Variants in DNAH1 observed in about 807,000 individuals in gnomAD.
DNAH1 encodes the protein dynein axonemal heavy chain 1.
In DNAH1, 327 loss-of-function variants were observed where a neutral mutation model predicts 484.3. That is an observed-to-expected ratio of 0.68 (90% CI 0.62 to 0.74). The LOEUF (loss-of-function observed/expected upper bound fraction) is 0.74. Among genes scored for constraint, DNAH1 ranks in the 30% least tolerant of loss-of-function variants. The probability of loss-of-function intolerance (pLI) is 0.00; values close to 1 mark genes in which losing one functional copy is unlikely to be tolerated. For synonymous variants in DNAH1, 2,192 were observed against 2,191.9 expected (o/e 1.00, Z 0.00); for missense variants, 5,052 against 5,546.8 (o/e 0.91, Z 2.83).
intron 48 of DNAH1, among the ~76,000 whole-genome samples, 180 bp downstream of exon 48, chr3:52,380,315 CCGGTTT>C (rs1703789344): frequency 1.3e-5 from 2 of 152,158 alleles, no homozygotes; most frequent in South Asian, 4.1e-4. Context: ...TCTCTGGGTA[CCGGTTT>C]CTTCACTTAT....
In DNAH1 at chr3:52,326,332, G is replaced by C; in HGVS notation, c.581+18G>C. 1 of 1,597,036 alleles carries C rather than the reference G, an allele frequency of 6.3e-7. No homozygotes were observed. Among genetic ancestry groups the C allele is most frequent in the South Asian group, 1.1e-5 (1 of 90,642 alleles). ...ATCGAGAGGTACGGCTGGGTGGGCT[G>C]TGGGGAGACTGTCGGGGAGGTGGCA... On this transcript the variant is annotated intron_variant, in intron 4 of 77. Transcript: ENST00000420323.
At chr3:52,310,956 T>C in the DNAH1 span, among the ~76,000 whole-genome samples, 6 of 152,316 alleles carry the variant, frequency 3.9e-5, no homozygotes, top group African/African-American at 1.2e-4. Context: ...TTTGTGGGAT[T>C]GACAATGAGC....
chr3:52,318,783 G>C (rs995278382), intron 1 of DNAH1, among the ~76,000 whole-genome samples: 5 of 152,228 alleles, frequency 3.3e-5, no homozygotes, highest in Non-Finnish European at 7.3e-5. Context: ...CCCCAAGCCT[G>C]GGGGAGCAAT....
intron 60 of DNAH1, among the ~76,000 whole-genome samples, chr3:52,389,969 T>G (rs186405202): frequency 6.6e-6 from 1 of 152,170 alleles, no homozygotes; most frequent in African/African-American, 2.4e-5. Context: ...AAAATTAGCC[T>G]GGTGTAGGGG....
At position 52,320,800 on chromosome 3, in the gene DNAH1, CTTTTTTTT is replaced by C. The variant is rs556409465; in HGVS notation, c.-34-1596_-34-1589del. 9.6e-5 allele frequency among the ~76,000 whole-genome samples: 12 copies of C among 125,062 alleles called. No individual in the cohort carries two copies. In the East Asian group the frequency reaches 2.2e-3, roughly 22 times the overall value. The allele number at this position is 125,062 out of a possible 152,430, so 82.0% of individuals were successfully genotyped here. On this transcript the variant is annotated intron_variant, in intron 1 of 77. Coordinates refer to ENST00000420323, the MANE Select transcript of DNAH1 (RefSeq NM_015512.5). ...TGCTTTCCTTTTCTTTCTTTCTTTC[CTTTTTTTT>C]TTTTTTTTTTTTGACGGAATCTCGC...
At position 52,383,564 on chromosome 3, in the gene DNAH1, G is replaced by A. The variant is rs61736303; in HGVS notation, c.8120G>A (p.Arg2707His). ...ATGGCTGCTTACACAGGGCGTGTGC[G>A]CAGCAACATCCACATGGTGCTGTGC... The part of the protein sequence containing the change: ...NLMAAYTGRV[R>H]SNIHMVLCMS... The change falls in exon 51 of 78, where the codon CGC becomes CAC. Residue 2707 changes from arginine to histidine, a missense_variant. Arg to His is a conservative substitution (Grantham distance 29). Transcript: ENST00000420323. The A allele has an allele frequency of 2.1e-5, 33 of 1,604,214 alleles. No homozygotes were observed. Among genetic ancestry groups the A allele is most frequent in the South Asian group, 6.7e-5 (6 of 89,604 alleles).
At chr3:52,317,013 C>T (rs1700971557) in intron 1 of DNAH1, among the ~76,000 whole-genome samples, 1 of 152,166 alleles carries the variant, frequency 6.6e-6, no homozygotes. Flanking sequence ...CATCTGTGAC[C>T]TTCAGATTCC....
Position 52,366,861 on chromosome 3 carries a change from G to C in DNAH1, c.5739G>C (p.Gly1913=), listed in dbSNP as rs1703099674. ...PKSITMGQLY[G]EFDLLTHEWT... ...CCATCACGATGGGCCAGCTGTACGGGGAGTTTGACCTCCTCACCCATGAGT... is the reference window on the plus strand; with the variant it reads ...CCATCACGATGGGCCAGCTGTACGGCGAGTTTGACCTCCTCACCCATGAGT... Residue 1913 remains glycine, a synonymous_variant, in exon 36 of 78, where the codon GGG becomes GGC. Coordinates refer to ENST00000420323, the MANE Select transcript of DNAH1 (RefSeq NM_015512.5). 1 of 1,613,566 alleles carries C rather than the reference G, an allele frequency of 6.2e-7. No individual in the cohort carries two copies. Among genetic ancestry groups the C allele is most frequent in the African/African-American group, 1.3e-5 (1 of 74,912 alleles).
chr3:52,370,643 C>T lies in DNAH1; in HGVS notation c.6417+8C>T. 6.2e-7 allele frequency: 1 copy of T among 1,606,834 alleles called. No individual in the cohort carries two copies. Among genetic ancestry groups the T allele is most frequent in the East Asian group, 2.2e-5 (1 of 44,640 alleles). On this transcript the variant is annotated splice_region_variant and intron_variant, in intron 40 of 77. Transcript: ENST00000420323. ...AAGATGGAGAACGAACAGGTGAGAG[C>T]CGGCGGCCCCCAGGGACCAGGAGCC... is the stretch of plus-strand genomic sequence containing the variant.
intron 6 of DNAH1, 135 bp from the exon 7 acceptor site, chr3:52,331,013 A>G (rs1423584955): frequency 1.8e-6 from 2 of 1,121,616 alleles, no homozygotes; most frequent in African/African-American, 1.6e-5. Flanking sequence ...GCTGGAGCAG[A>G]GGGGGGCATC....
At chr3:52,356,356 C>T (rs1702607828) in intron 21 of DNAH1, among the ~76,000 whole-genome samples, 1 of 152,164 alleles carries the variant, frequency 6.6e-6, no homozygotes, top group Non-Finnish European at 1.5e-5. Context: ...AGAGCAGCTC[C>T]CCCGGCTCCT....
rs763885137 is a variant in DNAH1, at chr3:52,391,171, C to A, written c.9742-8C>A. 27 of 1,613,866 alleles carry A rather than the reference C, an allele frequency of 1.7e-5. No individual in the cohort carries two copies. Among genetic ancestry groups the A allele is most frequent in the Non-Finnish European group, 1.8e-5 (21 of 1,179,804 alleles). On this transcript the variant is annotated splice_polypyrimidine_tract_variant and splice_region_variant and intron_variant, in intron 61 of 77. Transcript: ENST00000420323. ...CCTGCAACCCCTTCTTTTCCCCTTC[C>A]CTTACAGGAGAAGGACAATGGGCTG... is the stretch of plus-strand genomic sequence containing the variant.
intron 8 of DNAH1, among the ~76,000 whole-genome samples, chr3:52,340,880 C>A (rs1027733833): frequency 6.6e-6 from 1 of 150,662 alleles, no homozygotes; most frequent in African/African-American, 2.4e-5. Context: ...TTTTAATTTA[C>A]AGATAATTTG....
chr3:52,391,198 A>G lies in DNAH1; in HGVS notation c.9761A>G (p.Asp3254Gly). ...IKNMEKDNGL[D>G]VFKLSDRDFL... Reference sequence around the variant, plus strand: ...TTACAGGAGAAGGACAATGGGCTGGATGTGTTCAAGTTGAGTGACCGCGAC... The same window carrying G: ...TTACAGGAGAAGGACAATGGGCTGGGTGTGTTCAAGTTGAGTGACCGCGAC... Residue 3254 changes from aspartate to glycine, a missense_variant, in exon 62 of 78, where the codon GAT becomes GGT. Physicochemically the swap from Asp to Gly is moderately conservative, Grantham distance 94. Coordinates refer to ENST00000420323, the MANE Select transcript of DNAH1 (RefSeq NM_015512.5). The G allele has an allele frequency of 6.2e-7, 1 of 1,613,940 alleles. No homozygotes were observed. Among genetic ancestry groups the G allele is most frequent in the Non-Finnish European group, 8.5e-7 (1 of 1,179,864 alleles).
chr3:52,389,844 G>A (rs1704293031), intron 60 of DNAH1, among the ~76,000 whole-genome samples: 1 of 152,240 alleles, frequency 6.6e-6, no homozygotes, highest in Admixed American at 6.5e-5. Context: ...AGGCGTGGTG[G>A]CTCACGCCTG....
chr3:52,326,286 C>A lies in DNAH1; in HGVS notation c.553C>A (p.Gln185Lys). 4.3e-6 allele frequency: 7 copies of A among 1,610,194 alleles called. No homozygotes were observed. The highest frequency in any genetic ancestry group is 4.2e-6 in the Non-Finnish European group (5 of 1,179,784). ...GGTGCCTTTCCAGGTGCTGCCAGGC[C>A]AGCATCCTCGCAAGATTGAGATCGA... Reference protein sequence around the residue: ...MQVPFQVLPGQHPRKIEIERR... With the variant: ...MQVPFQVLPGKHPRKIEIERR... The change falls in exon 4 of 78, where the codon CAG becomes AAG. Residue 185 changes from glutamine to lysine, a missense_variant. By Grantham distance (53) the Gln-to-Lys change is moderately conservative. This residue lies in a region of DNAH1 where 1,263 missense variants were observed against 1,218.8 expected (regional missense o/e 1.04). Transcript: ENST00000420323.
chr3:52,385,286 C>T (rs977704729), intron 53 of DNAH1, 51 bp from the exon 54 acceptor site: 3 of 1,515,716 alleles, frequency 2.0e-6, no homozygotes, highest in Non-Finnish European at 2.7e-6. Flanking sequence ...AGGCCCTGTG[C>T]TCTCTCTGTC....
Position 52,396,702 on chromosome 3 carries a change from T to G in DNAH1, c.11515T>G (p.Phe3839Val), listed in dbSNP as rs752123727. 9 of 1,613,676 alleles carry G rather than the reference T, an allele frequency of 5.6e-6. No homozygotes were observed. Among genetic ancestry groups the G allele is most frequent in the African/African-American group, 2.7e-5 (2 of 74,904 alleles). ...GCGCCGTAAGTTTGGGCCCCTGGGC[T>G]TCAACATCCCCTATGAGTTCACGGA... ...LERRKFGPLG[F>V]NIPYEFTDGD... The change falls in exon 72 of 78, where the codon TTC (phenylalanine) becomes GTC (valine). Residue 3839 changes from phenylalanine to valine, a missense_variant. Phe to Val is a conservative substitution (Grantham distance 50). Around this residue, in one of 4 missense-constraint regions of DNAH1, gnomAD observed 853 missense variants for 899.0 expected, o/e 0.95. Coordinates refer to ENST00000420323, the MANE Select transcript of DNAH1 (RefSeq NM_015512.5).
At chr3:52,324,606 G>A (rs577234584) in intron 3 of DNAH1, among the ~76,000 whole-genome samples, 3 of 151,690 alleles carry the variant, frequency 2.0e-5, no homozygotes, top group African/African-American at 2.4e-5. Flanking sequence ...CCTTCCTGCC[G>A]CTGTCCACAC....
Sources: gnomAD v4.1 joint callset for allele counts (sites outside exome capture counted in the v4.1 genomes callset) on GRCh38, gnomAD v4.1.1 for gene constraint, gnomAD v4.1.1 regional missense constraint, MANE v1.5 for transcripts, NCBI Gene and HGNC (gene_info 2026-07-23, HGNC 2026-07-21) for gene names.